HLCS: variants seen among roughly 807,000 people sequenced by gnomAD.
HLCS encodes biotin--protein ligase.
A neutral mutation model predicts 75.0 loss-of-function variants in HLCS; 53 were observed. The observed-to-expected ratio is 0.71, with a 90% CI of 0.57 to 0.89. HLCS has a LOEUF of 0.89. Ranked by LOEUF, HLCS falls within the 40% of genes least tolerant of loss-of-function variation. The pLI, the probability that HLCS is intolerant of heterozygous loss-of-function variation, is 0.00. For missense variants in HLCS, 966 were observed against 1,074.0 expected, an observed-to-expected ratio of 0.90 and a Z score of 1.41; for synonymous variants, 431 against 428.6, an observed-to-expected ratio of 1.01 and a Z score of -0.07.
At position 36,749,567 on chromosome 21, in the gene HLCS, G is replaced by T. The variant is rs977740267; in HGVS notation, c.*4679C>A. On this transcript the variant is annotated 3_prime_UTR_variant, in exon 11 of 11. Coordinates refer to ENST00000674895, the MANE Select transcript of HLCS (RefSeq NM_001352514.2). ...TCACAATTTGCAAATTTAGGACCGT[G>T]GGTCATGCAGCGAAGGGGCTGGATG... is the stretch of plus-strand genomic sequence containing the variant. 2 of 151,904 alleles carry T rather than the reference G, an allele frequency of 1.3e-5. No individual in the cohort carries two copies. The highest frequency in any genetic ancestry group is 2.1e-4 in the South Asian group (1 of 4,822). 9.4% of individuals were successfully genotyped at this position (151,904 alleles called of 1,614,324 possible).
intron 1 of HLCS, among the ~76,000 whole-genome samples, chr21:36,975,406 C>T (rs541360122): frequency 6.6e-6 from 1 of 152,186 alleles, no homozygotes; most frequent in Non-Finnish European, 1.5e-5. Flanking sequence ...TGGATGATTC[C>T]CGGTGCCCGT....
intron 5 of HLCS, among the ~76,000 whole-genome samples, chr21:36,911,600 T>A (rs2065711244): frequency 6.6e-6 from 1 of 150,450 alleles, no homozygotes; most frequent in East Asian, 2.0e-4. Flanking sequence ...AAAAAAAAAA[T>A]TAACCGGGTG....
intron 6 of HLCS, among the ~76,000 whole-genome samples, chr21:36,792,457 GGGGGGAGGGAAGGGAGA>G (rs1035624643): frequency 1.3e-5 from 2 of 150,192 alleles, no homozygotes; most frequent in Non-Finnish European, 3.0e-5. Context: ...AAAGGAGAAG[GGGGGGAGGGAAGGGAGA>G]GGGGGAGGGA....
At chr21:36,861,797 A>G (rs959476442) in intron 6 of HLCS, among the ~76,000 whole-genome samples, 1 of 152,220 alleles carries the variant, frequency 6.6e-6, no homozygotes, top group Non-Finnish European at 1.5e-5. Context: ...AATACCATAA[A>G]TCCACCCTTT....
intron 2 of HLCS, among the ~76,000 whole-genome samples, chr21:36,942,635 A>G (rs932639171): frequency 3.9e-5 from 6 of 152,218 alleles, no homozygotes; most frequent in African/African-American, 1.2e-4. Flanking sequence ...AGATAAATTG[A>G]ACTTCATCAA....
intron 5 of HLCS, among the ~76,000 whole-genome samples, chr21:36,922,002 T>C (rs561528943): frequency 6.6e-4 from 101 of 152,290 alleles, no homozygotes; most frequent in Admixed American, 3.4e-3. Flanking sequence ...TAAATAAATA[T>C]ATAAATGTAT....
chr21:36,761,116 G>A (rs935013193), intron 8 of HLCS, among the ~76,000 whole-genome samples: 1 of 152,220 alleles, frequency 6.6e-6, no homozygotes, highest in Non-Finnish European at 1.5e-5. Context: ...ATTAGTCTAC[G>A]TGTTACTCAC....
At chr21:36,981,274 G>A (rs1307308864) in intron 1 of HLCS, among the ~76,000 whole-genome samples, 1 of 152,126 alleles carries the variant, frequency 6.6e-6, no homozygotes, top group Non-Finnish European at 1.5e-5. Context: ...GTTATTTGAT[G>A]AAGGAGGTGC....
intron 6 of HLCS, among the ~76,000 whole-genome samples, chr21:36,812,288 AG>A (rs2061535091): frequency 6.6e-6 from 1 of 152,202 alleles, no homozygotes; most frequent in African/African-American, 2.4e-5. Flanking sequence ...ACAAATCTCA[AG>A]GAGAGGGAGG....
chr21:36,825,610 C>T (rs181193312), intron 6 of HLCS, among the ~76,000 whole-genome samples: 114 of 152,248 alleles, frequency 7.5e-4, no homozygotes, highest in African/African-American at 2.6e-3. Flanking sequence ...ACCAACCTTG[C>T]TCGAGATTTA....
intron 6 of HLCS, among the ~76,000 whole-genome samples, chr21:36,882,377 C>T (rs1280087637): frequency 1.3e-5 from 2 of 152,040 alleles, no homozygotes; most frequent in Admixed American, 6.5e-5. Flanking sequence ...CAACATCGCA[C>T]AAGCTGCTGT....
At chr21:36,866,194 G>A (rs1601560701) in intron 6 of HLCS, among the ~76,000 whole-genome samples, 1 of 131,676 alleles carries the variant, frequency 7.6e-6, no homozygotes, top group Non-Finnish European at 1.6e-5. Context: ...TGTATGTTTC[G>A]GGGCAGAGGT....
Position 36,764,921 on chromosome 21 carries a change from C to T in HLCS, c.2121+91G>A, listed in dbSNP as rs2089979098. On this transcript the variant is annotated intron_variant, in intron 8 of 10. Transcript: ENST00000674895. ...CAAAGGGTAGGCTGAGGTTCTACAG[C>T]CACCAATTATGCAAGCACATGCTAT... is the stretch of plus-strand genomic sequence containing the variant. 4.2e-6 allele frequency: 6 copies of T among 1,418,158 alleles called. No individual in the cohort carries two copies. In the South Asian group the frequency reaches 5.8e-5, roughly 14 times the overall value. The allele number at this position is 1,418,158 out of a possible 1,614,324, so 87.8% of individuals were successfully genotyped here. A position where few individuals can be genotyped will look rare whatever the true frequency, so the allele number is the denominator to read the frequency against.
chr21:36,822,399 G>C (rs890220912), intron 6 of HLCS, among the ~76,000 whole-genome samples: 2 of 151,986 alleles, frequency 1.3e-5, no homozygotes, highest in African/African-American at 2.4e-5. Context: ...CGCAGTGACG[G>C]AGCCTGGGTG....
chr21:36,794,876 C>T (rs1165424822), intron 6 of HLCS, among the ~76,000 whole-genome samples: 3 of 152,122 alleles, frequency 2.0e-5, no homozygotes, highest in Non-Finnish European at 2.9e-5. Flanking sequence ...AGCGATGTGC[C>T]GTTTCCCAAA....
chr21:36,786,590 T>G (rs977303220), intron 6 of HLCS, among the ~76,000 whole-genome samples: 3 of 152,202 alleles, frequency 2.0e-5, no homozygotes, highest in Non-Finnish European at 4.4e-5. Flanking sequence ...AAAACTATTA[T>G]GAGAAGTTTA....
chr21:36,960,274 G>A (rs2068222213), intron 2 of HLCS, among the ~76,000 whole-genome samples: 1 of 152,044 alleles, frequency 6.6e-6, no homozygotes, highest in African/African-American at 2.4e-5. Flanking sequence ...AATAAGACCA[G>A]TGGGCACAAG....
At chr21:36,822,996 G>A (rs189081983) in intron 6 of HLCS, among the ~76,000 whole-genome samples, 39 of 152,268 alleles carry the variant, frequency 2.6e-4, no homozygotes, top group Non-Finnish European at 4.9e-4. Context: ...ATAACCACTC[G>A]GGTTTTCTTG....
chr21:36,846,701 C>T (rs2062811405), intron 6 of HLCS, among the ~76,000 whole-genome samples: 1 of 152,190 alleles, frequency 6.6e-6, no homozygotes, highest in Admixed American at 6.5e-5. Flanking sequence ...TGAGAAAGAA[C>T]TGTTTTTCCC....
Sources: gnomAD v4.1 joint callset for allele counts (sites outside exome capture counted in the v4.1 genomes callset) on GRCh38, gnomAD v4.1.1 for gene constraint, MANE v1.5 for transcripts, NCBI Gene and HGNC (gene_info 2026-07-23, HGNC 2026-07-21) for gene names.